PGAP1: variants seen among roughly 807,000 people sequenced by gnomAD.
PGAP1 encodes the protein post-GPI attachment to proteins inositol deacylase 1.
PGAP1 carries 76 observed loss-of-function variants against 127.0 expected under a neutral mutation model. The ratio of observed to expected loss-of-function variants is 0.60; its 90% CI spans 0.50 to 0.72. The LOEUF (loss-of-function observed/expected upper bound fraction) is 0.72. Ranked by LOEUF, PGAP1 falls within the 30% of genes least tolerant of loss-of-function variation. The probability of loss-of-function intolerance (pLI) is 0.00; values close to 1 mark genes in which losing one functional copy is unlikely to be tolerated. For missense variants in PGAP1, 982 were observed against 1,071.3 expected (o/e 0.92, Z 1.16); for synonymous variants, 362 against 366.5 (o/e 0.99, Z 0.14).
At chr2:196,922,581 C>CAG (rs35954508) in intron 1 of PGAP1, 20,185 of 492,638 alleles carry the variant, frequency 0.041, 247 homozygotes, top group Middle Eastern at 0.046. Context: ...CACACAGACA[C>CAG]ACACACACAC....
intron 1 of PGAP1, chr2:196,922,672 CTTTTT>C (rs763237138): frequency 3.0e-4 from 35 of 115,250 alleles, no homozygotes; most frequent in Middle Eastern, 4.9e-3. Flanking sequence ...TTCTTACCTA[CTTTTT>C]TTTTTTTTTT....
In PGAP1 at chr2:196,892,342, TTACGTTGTAAGC is replaced by T. The variant is rs769682199; in HGVS notation, c.1081_1089+3del. 1.0e-5 allele frequency: 14 copies of T among 1,388,634 alleles called. No homozygotes were observed. The South Asian group carries it at 1.8e-4, about 18-fold the overall frequency. The allele number at this position is 1,388,634 out of a possible 1,614,324, so 86.0% of individuals were successfully genotyped here. ...GAAAAAAAATCCATTGGTGGAATAC[TTACGTTGTAAGC>T]TACATAGGTCCATTTGGACACTTTT... On this transcript the variant is annotated splice_donor_variant and splice_donor_region_variant and coding_sequence_variant and intron_variant, in exon 9 of 27. Transcript: ENST00000354764. LOFTEE classifies it high-confidence loss of function.
chr2:196,861,184 CA>C (rs1162187875), intron 20 of PGAP1, among the ~76,000 whole-genome samples: 1 of 151,976 alleles, frequency 6.6e-6, no homozygotes, highest in East Asian at 1.9e-4. Context: ...AAAATTAAAT[CA>C]AAATAAAGAC....
intron 1 of PGAP1, among the ~76,000 whole-genome samples, chr2:196,926,034 G>A (rs1172553146): frequency 6.6e-6 from 1 of 152,068 alleles, no homozygotes; most frequent in Non-Finnish European, 1.5e-5. Flanking sequence ...TTAGGCGCGT[G>A]GGAAGCAAAG....
chr2:196,898,410 TG>T, intron 5 of PGAP1, 41 bp from the exon 6 acceptor site: 1 of 1,357,880 alleles, frequency 7.4e-7, no homozygotes, highest in Non-Finnish European at 1.0e-6. Context: ...AAAGCACATT[TG>T]TTATTCTCTA....
chr2:196,889,858 C>CAAAAAAAAAAAAAAAAAAAA, intron 10 of PGAP1, among the ~76,000 whole-genome samples: 1 of 43,982 alleles, frequency 2.3e-5, no homozygotes. Context: ...GACTCCGTCT[C>CAAAAAAAAAAAAAAAAAAAA]AAAAAAAAAA....
intron 12 of PGAP1, 122 bp downstream of exon 12, chr2:196,885,302 G>T: frequency 1.7e-6 from 1 of 595,514 alleles, no homozygotes; most frequent in Non-Finnish European, 2.9e-6. Context: ...TTTAAATGTA[G>T]GTTAGTAAAT....
chr2:196,905,660 G>A (rs545026721), intron 4 of PGAP1, among the ~76,000 whole-genome samples: 63 of 151,842 alleles, frequency 4.1e-4, no homozygotes, highest in African/African-American at 1.4e-3. Context: ...CGCAGAAGAC[G>A]GGTGATTTCT....
intron 7 of PGAP1, among the ~76,000 whole-genome samples, 183 bp downstream of exon 7, chr2:196,896,948 G>A (rs1256338632): frequency 2.0e-5 from 3 of 151,126 alleles, no homozygotes; most frequent in Non-Finnish European, 2.9e-5. Context: ...CAAATCATTC[G>A]CAGCAGTCAA....
At chr2:196,871,523 C>A (rs894516229) in intron 18 of PGAP1, among the ~76,000 whole-genome samples, 3 of 151,998 alleles carry the variant, frequency 2.0e-5, no homozygotes, top group Non-Finnish European at 1.5e-5. Flanking sequence ...ATTTTTATCA[C>A]AATTTTTTGT....
At chr2:196,858,095 AT>A (rs1321912864) in intron 20 of PGAP1, among the ~76,000 whole-genome samples, 12 of 151,876 alleles carry the variant, frequency 7.9e-5, no homozygotes, top group African/African-American at 2.4e-4. Flanking sequence ...ACTCTTTAAA[AT>A]TTTTTTTAAA....
chr2:196,918,215 T>TA (rs1703077543), intron 2 of PGAP1, among the ~76,000 whole-genome samples: 1 of 152,154 alleles, frequency 6.6e-6, no homozygotes, highest in Non-Finnish European at 1.5e-5. Context: ...CTGACAATTC[T>TA]GGTGTTGTAA....
Position 196,926,440 on chromosome 2 carries a change from C to A in PGAP1, c.147+30G>T, listed in dbSNP as rs778056979. 3.1e-6 allele frequency: 5 copies of A among 1,613,052 alleles called. No individual in the cohort carries two copies. The African/African-American group carries it at 4.0e-5, about 13-fold the overall frequency. ...GGCACCAGGGGCCAGAGTCTTGGAGCGCCCGGCTGAGGAGAGGGCAGAACC... is the reference window on the plus strand; with the variant it reads ...GGCACCAGGGGCCAGAGTCTTGGAGAGCCCGGCTGAGGAGAGGGCAGAACC... On this transcript the variant is annotated intron_variant, in intron 1 of 26. Coordinates refer to ENST00000354764, the MANE Select transcript of PGAP1 (RefSeq NM_024989.4).
intron 8 of PGAP1, 88 bp from the exon 9 acceptor site, chr2:196,892,489 C>G: frequency 1.6e-6 from 1 of 627,088 alleles, no homozygotes; most frequent in South Asian, 2.4e-5. Flanking sequence ...TGAAATACTT[C>G]TCAATCACAA....
chr2:196,839,154 T>C lies in PGAP1; in HGVS notation c.*2080A>G, dbSNP rs1439043591. On this transcript the variant is annotated 3_prime_UTR_variant, in exon 27 of 27. Transcript: ENST00000354764. ...CTAAACAAAGAGGTTTTAGAATACA[T>C]AAACATAATATTTATGGCTATCAAT... 1 of 152,640 alleles carries C rather than the reference T, an allele frequency of 6.6e-6. No homozygotes were observed. Among genetic ancestry groups the C allele is most frequent in the Non-Finnish European group, 1.5e-5 (1 of 68,034 alleles). 9.5% of individuals were successfully genotyped at this position (152,640 alleles called of 1,614,324 possible).
At position 196,855,303 on chromosome 2, in the gene PGAP1, C is replaced by T. The variant is rs534573993; in HGVS notation, c.1862-7266G>A. On this transcript the variant is annotated intron_variant, in intron 20 of 26. Transcript: ENST00000354764. ...ATCGAGCCACTGCACTCTAGCCTGG[C>T]GACAGAGCGAGACTCTGTCACCAAA... is the stretch of plus-strand genomic sequence containing the variant. 1.7e-3 allele frequency among the ~76,000 whole-genome samples: 216 copies of T among 130,466 alleles called. 1 individual carries two copies. The highest frequency in any genetic ancestry group is 6.1e-3 in the African/African-American group (201 of 32,900). The allele number at this position is 130,466 out of a possible 152,430, so 85.6% of individuals were successfully genotyped here. A position where few individuals can be genotyped will look rare whatever the true frequency, so the allele number is the denominator to read the frequency against.
At chr2:196,895,079 T>C (rs1702229732) in intron 7 of PGAP1, among the ~76,000 whole-genome samples, 1 of 152,192 alleles carries the variant, frequency 6.6e-6, no homozygotes, top group Non-Finnish European at 1.5e-5. Context: ...TTCTACTATT[T>C]AGTCCAGTCA....
chr2:196,844,881 C>G (rs1700514296), intron 23 of PGAP1, among the ~76,000 whole-genome samples: 1 of 151,910 alleles, frequency 6.6e-6, no homozygotes, highest in South Asian at 2.1e-4. Flanking sequence ...CCTGTAAAAG[C>G]CTATGTTTGA....
At chr2:196,850,536 C>A (rs1370966620) in intron 20 of PGAP1, among the ~76,000 whole-genome samples, 1 of 152,058 alleles carries the variant, frequency 6.6e-6, no homozygotes. Flanking sequence ...AAGAGGATCC[C>A]AAACTCTTGC....
Sources: gnomAD v4.1 joint callset for allele counts (sites outside exome capture counted in the v4.1 genomes callset) on GRCh38, gnomAD v4.1.1 for gene constraint, MANE v1.5 for transcripts, NCBI Gene and HGNC (gene_info 2026-07-23, HGNC 2026-07-21) for gene names.